FUT8: variants seen among roughly 807,000 people sequenced by gnomAD.
FUT8 encodes alpha-(1,6)-fucosyltransferase.
FUT8 carries 29 observed loss-of-function variants against 71.3 expected under a neutral mutation model. The observed-to-expected ratio is 0.41, with a 90% CI of 0.30 to 0.55. The LOEUF (loss-of-function observed/expected upper bound fraction) is 0.55, where lower values mean the gene tolerates loss of function less well. Ranked by LOEUF, FUT8 falls within the 20% of genes least tolerant of loss-of-function variation. The pLI is 0.34. For missense variants in FUT8, 544 were observed against 702.1 expected (o/e 0.77, Z 2.55); for synonymous variants, 254 against 239.3 (o/e 1.06, Z -0.57).
rs544536232 is a variant in FUT8, at chr14:65,469,612, A to G, written c.-228+13894A>G. Among the ~76,000 whole-genome samples, 83 of 152,348 alleles carry G rather than the reference A, an allele frequency of 5.4e-4. 3 individuals carry two copies. In the South Asian group the frequency reaches 0.016, roughly 30 times the overall value. ...GCTTTACTGAGTGTTAGAACAGCTC[A>G]GAGGAGAGCTGCAGAGGGCAGCCCC... On this transcript the variant is annotated intron_variant, in intron 2 of 10. Transcript: ENST00000673929.
At chr14:65,610,547 G>C (rs1029830052) in intron 3 of FUT8, among the ~76,000 whole-genome samples, 3 of 151,696 alleles carry the variant, frequency 2.0e-5, no homozygotes, top group Non-Finnish European at 4.4e-5. Context: ...GCACCACCAT[G>C]CCTGGCTAAT....
intron 7 of FUT8, among the ~76,000 whole-genome samples, chr14:65,675,533 A>C (rs1892671878): frequency 6.6e-6 from 1 of 152,176 alleles, no homozygotes; most frequent in Admixed American, 6.5e-5. Flanking sequence ...TGTTAGGAGC[A>C]TTTTGGTGGA....
Position 65,638,307 on chromosome 14 carries a change from A to G in FUT8, c.597+8701A>G, listed in dbSNP as rs974380435. The stretch of plus-strand genomic sequence containing the variant: ...GCAGTCCTCCTGCCTCAGCTTCCCA[A>G]AGTGTTGCAATCACAGGCGTGAGCC... On this transcript the variant is annotated intron_variant, in intron 6 of 10. Coordinates refer to ENST00000673929, the MANE Select transcript of FUT8 (RefSeq NM_001371533.1). The surrounding 1 kb of genome is among the most constrained non-coding windows in gnomAD (Gnocchi z 4.5). 5.3e-5 allele frequency among the ~76,000 whole-genome samples: 8 copies of G among 152,112 alleles called. No homozygotes were observed. The highest frequency in any genetic ancestry group is 1.9e-4 in the African/African-American group (8 of 41,422).
chr14:65,408,296 A>G (rs1334555284), upstream of FUT8, among the ~76,000 whole-genome samples: 2 of 152,130 alleles, frequency 1.3e-5, no homozygotes, highest in Non-Finnish European at 2.9e-5. Flanking sequence ...CTGGCCATGA[A>G]CTGTTCTACC....
At chr14:65,451,002 G>A (rs545848186) in intron 1 of FUT8, among the ~76,000 whole-genome samples, 7 of 151,962 alleles carry the variant, frequency 4.6e-5, no homozygotes, top group South Asian at 4.2e-4. Context: ...GACTACAGGC[G>A]CCTGCCACCG....
Position 65,483,613 on chromosome 14 carries a change from C to G in FUT8, c.-228+27895C>G, listed in dbSNP as rs1463756662. Reference sequence around the variant, plus strand: ...TATTTGGATGTTTAATTTCTTTCAGCAGTATTTTATTGTTTTCAATGTACT... The same window carrying G: ...TATTTGGATGTTTAATTTCTTTCAGGAGTATTTTATTGTTTTCAATGTACT... On this transcript the variant is annotated intron_variant, in intron 2 of 10. Transcript: ENST00000673929. This position sits in a 1 kb window ranked among gnomAD's most constrained non-coding sequence, Gnocchi z 4.4. Among the ~76,000 whole-genome samples the G allele has an allele frequency of 6.6e-6, 1 of 152,042 alleles. No individual in the cohort carries two copies. The highest frequency in any genetic ancestry group is 1.5e-5 in the Non-Finnish European group (1 of 67,988).
At chr14:65,728,745 T>C (rs545240912) in intron 9 of FUT8, among the ~76,000 whole-genome samples, 116 of 152,356 alleles carry the variant, frequency 7.6e-4, no homozygotes, top group African/African-American at 2.6e-3. Context: ...AATAGCTTGC[T>C]GTACAGGTTT....
chr14:65,677,112 A>T (rs550754291), intron 7 of FUT8, among the ~76,000 whole-genome samples: 917 of 77,174 alleles, frequency 0.012, 10 homozygotes, highest in Non-Finnish European at 0.015. Flanking sequence ...AGAAAGACAT[A>T]TTTGTGTGTG....
chr14:65,521,411 A>G (rs1275188713), intron 2 of FUT8, among the ~76,000 whole-genome samples: 2 of 152,228 alleles, frequency 1.3e-5, no homozygotes, highest in East Asian at 1.9e-4. Context: ...CTTTAAGTAT[A>G]TCAGATGTTG....
In FUT8 at chr14:65,531,556, A is replaced by G. The variant is rs78168365; in HGVS notation, c.-227-29781A>G. Among the ~76,000 whole-genome samples, 1,273 of 152,258 alleles carry G rather than the reference A, an allele frequency of 8.4e-3. 18 individuals are homozygous for G. The highest frequency in any genetic ancestry group is 0.029 in the African/African-American group (1,220 of 41,538). ...TCAGGGTTGTAATTTTAGGTGAGAA[A>G]ACTACAAATGCATTAATTCTGACAA... On this transcript the variant is annotated intron_variant, in intron 2 of 10. Coordinates refer to ENST00000673929, the MANE Select transcript of FUT8 (RefSeq NM_001371533.1).
At position 65,412,902 on chromosome 14, in the gene FUT8, C is replaced by A. The variant is rs897704245; in HGVS notation, c.-638C>A. 6.4e-6 allele frequency: 1 copy of A among 156,656 alleles called. No individual in the cohort carries two copies. Among genetic ancestry groups the A allele is most frequent in the South Asian group, 1.9e-4 (1 of 5,364 alleles). 9.7% of individuals were successfully genotyped at this position (156,656 alleles called of 1,614,324 possible). A position where few individuals can be genotyped will look rare whatever the true frequency, so the allele number is the denominator to read the frequency against. ...CCTGGCCCCAGCCGACCCGTCCCTT[C>A]GTCTCCCCGCGGAATGGGGCCGGCA... On this transcript the variant is annotated 5_prime_UTR_variant, in exon 1 of 11. Coordinates refer to ENST00000673929, the MANE Select transcript of FUT8 (RefSeq NM_001371533.1).
rs1774493423 is a variant in FUT8, at chr14:65,733,350, C to G, written c.1379C>G (p.Ala460Gly). Residue 460 changes from alanine (A) to glycine (G), a missense_variant, in exon 10 of 11, where the codon GCA becomes GGA. Physicochemically the swap from Ala to Gly is moderately conservative, Grantham distance 60. Coordinates refer to ENST00000673929, the MANE Select transcript of FUT8 (RefSeq NM_001371533.1). ...CTGGATATACATTTTCTCTCTCAGG[C>G]AGACTTCCTAGTGTGTACTTTTTCA... Reference protein sequence around the residue: ...VILDIHFLSQADFLVCTFSSQ... With the variant: ...VILDIHFLSQGDFLVCTFSSQ... The G allele has an allele frequency of 2.5e-6, 4 of 1,601,600 alleles. No homozygotes were observed. In the African/African-American group the frequency reaches 5.4e-5, roughly 22 times the overall value.
At chr14:65,680,888 C>G (rs1331022804) in intron 7 of FUT8, among the ~76,000 whole-genome samples, 1 of 152,166 alleles carries the variant, frequency 6.6e-6, no homozygotes, top group African/African-American at 2.4e-5. Context: ...ACATAAACAG[C>G]CTGCTTTTCA....
At chr14:65,401,994 C>T in the FUT8 span, among the ~76,000 whole-genome samples, 17 of 151,246 alleles carry the variant, frequency 1.1e-4, no homozygotes, top group Non-Finnish European at 2.2e-4. Context: ...GACATGGAGG[C>T]GCAGCTTTTT....
chr14:65,739,425 A>C (rs1221298975), intron 10 of FUT8, among the ~76,000 whole-genome samples: 15 of 152,112 alleles, frequency 9.9e-5, no homozygotes, highest in Non-Finnish European at 1.2e-4. Context: ...ACACATGAAC[A>C]ACTCTTGATA....
intron 3 of FUT8, among the ~76,000 whole-genome samples, chr14:65,611,691 C>T (rs985270117): frequency 1.3e-5 from 2 of 152,042 alleles, no homozygotes; most frequent in Middle Eastern, 3.2e-3. Context: ...GATGGAGTCT[C>T]ACTCTGCCAC....
At chr14:65,662,609 T>C (rs1428057060) in intron 6 of FUT8, among the ~76,000 whole-genome samples, 2 of 152,186 alleles carry the variant, frequency 1.3e-5, no homozygotes, top group Admixed American at 1.3e-4. Flanking sequence ...TACAAAAAAC[T>C]GGATTTATTC....
chr14:65,590,436 C>T (rs971248211), intron 3 of FUT8, among the ~76,000 whole-genome samples: 3 of 152,098 alleles, frequency 2.0e-5, no homozygotes, highest in Admixed American at 1.3e-4. Flanking sequence ...TATGTCTTTG[C>T]ATCATGGAGT....
rs1247090113 is a variant in FUT8, at chr14:65,550,565, G to T, written c.-227-10772G>T. ...TATACCATCATAAAGTTGAAAAATT[G>T]TTAAGTTGAGCCATTGTTAATTTGA... On this transcript the variant is annotated intron_variant, in intron 2 of 10. Transcript: ENST00000673929. This position sits in a 1 kb window ranked among gnomAD's most constrained non-coding sequence, Gnocchi z 4.5. Among the ~76,000 whole-genome samples, 1 of 152,122 alleles carries T rather than the reference G, an allele frequency of 6.6e-6. No individual in the cohort carries two copies. The highest frequency in any genetic ancestry group is 6.5e-5 in the Admixed American group (1 of 15,276).
Sources: allele counts gnomAD v4.1 joint callset (sites outside exome capture counted in the v4.1 genomes callset), GRCh38; gene constraint gnomAD v4.1.1; non-coding constraint Gnocchi (gnomAD v3.1); transcripts MANE v1.5; gene names NCBI Gene and HGNC (gene_info 2026-07-23, HGNC 2026-07-21).